THNSL1: variants seen among roughly 807,000 people sequenced by gnomAD.
THNSL1 encodes the protein threonine synthase-like 1.
A neutral mutation model predicts 50.4 loss-of-function variants in THNSL1; 48 were observed. That is an observed-to-expected ratio of 0.95 (90% confidence interval 0.76 to 1.21). THNSL1 has a LOEUF of 1.21. THNSL1 is among the 50% of genes most tolerant of loss of function. THNSL1 has a pLI of 0.00. For missense variants in THNSL1, 896 were observed against 871.7 expected (o/e 1.03, Z -0.35); for synonymous variants, 309 against 306.1 (o/e 1.01, Z -0.10).
rs768330628 is a variant in THNSL1, at chr10:25,023,399, T to A, written c.176T>A (p.Ile59Asn). 5 of 1,614,166 alleles carry A rather than the reference T, an allele frequency of 3.1e-6. No individual in the cohort carries two copies. Among genetic ancestry groups the A allele is most frequent in the South Asian group, 1.1e-5 (1 of 91,080 alleles). ...TCTCTTGTTGGAGACAAAAATATTA[T>A]CCTGATGGGACCTCCTGGTGCTGGG... The part of the protein sequence containing the change: ...THSLVGDKNI[I>N]LMGPPGAGKT... The change falls in exon 3 of 3, where the codon ATC becomes AAC. Residue 59 changes from isoleucine to asparagine, a missense_variant. Transcript: ENST00000376356.
the THNSL1 span, among the ~76,000 whole-genome samples, chr10:24,957,985 A>T: frequency 6.6e-6 from 1 of 151,598 alleles, no homozygotes; most frequent in Admixed American, 6.6e-5. Context: ...GTATATACTA[A>T]TTTTTTTTTG....
chr10:25,005,661 C>T, the THNSL1 span, among the ~76,000 whole-genome samples: 3 of 152,206 alleles, frequency 2.0e-5, no homozygotes, highest in African/African-American at 7.2e-5. Flanking sequence ...AGTCCACCTA[C>T]AGACTTGAAA....
At chr10:24,985,573 T>TATTG in the THNSL1 span, among the ~76,000 whole-genome samples, 68 of 152,366 alleles carry the variant, frequency 4.5e-4, no homozygotes, top group African/African-American at 1.6e-3. Context: ...ATAATGTAGC[T>TATTG]AACAGTTTCT....
the THNSL1 span, chr10:24,984,524 T>C: frequency 1.7e-6 from 2 of 1,193,194 alleles, no homozygotes; most frequent in Non-Finnish European, 2.3e-6. Context: ...TAATAGTTTA[T>C]ATGTGGAAAA....
chr10:24,955,726 C>G, the THNSL1 span, among the ~76,000 whole-genome samples: 1 of 152,176 alleles, frequency 6.6e-6, no homozygotes. Flanking sequence ...AGGAGGCTCA[C>G]TTGAGGCCAG....
the THNSL1 span, among the ~76,000 whole-genome samples, chr10:24,981,533 G>A: frequency 6.6e-6 from 1 of 152,132 alleles, no homozygotes; most frequent in Non-Finnish European, 1.5e-5. Context: ...AGATTTTATG[G>A]GTGTGGGAAA....
At chr10:24,991,900 T>C in the THNSL1 span, among the ~76,000 whole-genome samples, 3 of 152,156 alleles carry the variant, frequency 2.0e-5, no homozygotes, top group Non-Finnish European at 2.9e-5. Flanking sequence ...CATCGACCCA[T>C]AGACCCTGCT....
At chr10:25,021,630 T>C (rs1408147074) in intron 1 of THNSL1, 112 bp from the exon 2 acceptor site, 2 of 152,232 alleles carry the variant, frequency 1.3e-5, no homozygotes, top group African/African-American at 4.8e-5. Context: ...GGGTCAATTT[T>C]TCTGTATTTT....
the THNSL1 span, among the ~76,000 whole-genome samples, chr10:24,966,812 A>G: frequency 2.3e-3 from 355 of 152,288 alleles, 2 homozygotes; most frequent in East Asian, 0.028. Flanking sequence ...GTAAAAGAGG[A>G]TGATAATCAT....
the THNSL1 span, among the ~76,000 whole-genome samples, chr10:24,970,885 A>G: frequency 6.6e-6 from 1 of 151,072 alleles, no homozygotes; most frequent in Non-Finnish European, 1.5e-5. Flanking sequence ...TTAGCCAGGC[A>G]TGGTGGCACC....
the THNSL1 span, among the ~76,000 whole-genome samples, chr10:24,960,030 C>T: frequency 6.6e-6 from 1 of 152,030 alleles, no homozygotes; most frequent in Non-Finnish European, 1.5e-5. Flanking sequence ...TTCCATCTCC[C>T]TACCCCCACC....
the THNSL1 span, among the ~76,000 whole-genome samples, chr10:24,985,470 T>C: frequency 6.6e-6 from 1 of 152,184 alleles, no homozygotes; most frequent in Non-Finnish European, 1.5e-5. Flanking sequence ...AAAGAACCAA[T>C]TGCCCTCCAT....
the THNSL1 span, among the ~76,000 whole-genome samples, chr10:24,995,150 A>C: frequency 6.6e-6 from 1 of 152,208 alleles, no homozygotes; most frequent in Non-Finnish European, 1.5e-5. Flanking sequence ...ACCAAAACCA[A>C]ATAAATATAT....
At chr10:24,977,110 A>G in the THNSL1 span, among the ~76,000 whole-genome samples, 20 of 152,344 alleles carry the variant, frequency 1.3e-4, no homozygotes, top group African/African-American at 4.6e-4. Context: ...GAGTGAAATA[A>G]TAAAAAAGCT....
intron 1 of THNSL1, among the ~76,000 whole-genome samples, chr10:25,017,534 TC>T (rs1378319380): frequency 6.6e-6 from 1 of 151,936 alleles, no homozygotes; most frequent in Non-Finnish European, 1.5e-5. Flanking sequence ...ACCTTTTAGT[TC>T]CTGTATAAAA....
At chr10:25,019,943 G>T (rs1323806172) in intron 1 of THNSL1, among the ~76,000 whole-genome samples, 4 of 151,854 alleles carry the variant, frequency 2.6e-5, no homozygotes, top group African/African-American at 4.8e-5. Context: ...CCATATATAT[G>T]CCTTCTATGT....
chr10:24,988,684 A>G, the THNSL1 span, among the ~76,000 whole-genome samples: 64 of 9,058 alleles, frequency 7.1e-3, 3 homozygotes, highest in African/African-American at 0.022. Context: ...ATATATATAT[A>G]TATATATATA....
At chr10:25,019,895 A>C (rs941015198) in intron 1 of THNSL1, among the ~76,000 whole-genome samples, 5 of 152,212 alleles carry the variant, frequency 3.3e-5, no homozygotes, top group Non-Finnish European at 7.3e-5. Flanking sequence ...TGAATTAAAA[A>C]AATTTTAAAT....
the THNSL1 span, among the ~76,000 whole-genome samples, chr10:25,003,949 T>C: frequency 6.6e-6 from 1 of 152,238 alleles, no homozygotes; most frequent in South Asian, 2.1e-4. Flanking sequence ...GTTCCTGTGT[T>C]AGTTTGCTAA....
Sources: gnomAD v4.1 joint callset for allele counts (sites outside exome capture counted in the v4.1 genomes callset) on GRCh38, gnomAD v4.1.1 for gene constraint, MANE v1.5 for transcripts, NCBI Gene and HGNC (gene_info 2026-07-23, HGNC 2026-07-21) for gene names.